The following ROBO2 variants were observed in gnomAD, a reference collection of about 807,000 sequenced individuals.
ROBO2 encodes the protein roundabout homolog 2.
In ROBO2, 53 loss-of-function variants were observed where a neutral mutation model predicts 160.8. The observed-to-expected ratio is 0.33, with a 90% CI of 0.26 to 0.41. The LOEUF is 0.41. Among genes scored for constraint, ROBO2 ranks in the 10% least tolerant of loss-of-function variants. The pLI is 1.00. For synonymous variants in ROBO2, 664 were observed against 611.7 expected (o/e 1.09, Z -1.26); for missense variants, 1,577 against 1,722.4 (o/e 0.92, Z 1.49).
rs1429561198 is a variant in ROBO2 at position 77,584,678 on chromosome 3, G to T, written c.2501-4073G>T. On this transcript the variant is annotated intron_variant, in intron 16 of 25. Transcript: ENST00000461745. ...TACAGTATTAACTTTTCTTTAAATTGTCTTCTCTTTCTTAATTAGTCATTC... is the reference window on the plus strand; with the variant it reads ...TACAGTATTAACTTTTCTTTAAATTTTCTTCTCTTTCTTAATTAGTCATTC... Among the ~76,000 whole-genome samples the T allele has an allele frequency of 2.6e-5, 4 of 151,920 alleles. No homozygotes were observed. In the South Asian group the frequency reaches 6.2e-4, roughly 24 times the overall value.
At chr3:75,922,496 C>T (rs1333430993) in intron 1 of ROBO2, among the ~76,000 whole-genome samples, 1 of 151,966 alleles carries the variant, frequency 6.6e-6, no homozygotes, top group African/African-American at 2.4e-5. Flanking sequence ...ATTCACTTGA[C>T]ATATTTAAAA....
chr3:77,104,078 T>C (rs2072449569), intron 2 of ROBO2, among the ~76,000 whole-genome samples: 1 of 152,140 alleles, frequency 6.6e-6, no homozygotes, highest in Non-Finnish European at 1.5e-5. Context: ...TAACATACCA[T>C]ATCATTTACT....
intron 2 of ROBO2, among the ~76,000 whole-genome samples, chr3:76,857,531 G>C (rs996013104): frequency 6.6e-6 from 1 of 151,790 alleles, no homozygotes; most frequent in African/African-American, 2.4e-5. Context: ...GTGTTTTTTC[G>C]AAGTGGGCAC....
intron 2 of ROBO2, among the ~76,000 whole-genome samples, chr3:76,783,256 A>C (rs546114934): frequency 3.6e-4 from 54 of 151,038 alleles, no homozygotes; most frequent in Admixed American, 2.1e-3. Flanking sequence ...ACTATATTGA[A>C]TACTTTGCCT....
At chr3:76,868,396 C>T (rs372938020) in intron 2 of ROBO2, among the ~76,000 whole-genome samples, 24 of 152,210 alleles carry the variant, frequency 1.6e-4, no homozygotes, top group African/African-American at 5.3e-4. Context: ...CGAGAATTGA[C>T]CACAGATTGT....
intron 2 of ROBO2, among the ~76,000 whole-genome samples, chr3:76,008,232 C>CCAAAA (rs769742670): frequency 2.4e-5 from 2 of 82,280 alleles, no homozygotes; most frequent in Non-Finnish European, 4.7e-5. Flanking sequence ...AAGACTCTGT[C>CCAAAA]AAAAAAAAAA....
At chr3:76,276,814 A>G (rs1038116056) in intron 2 of ROBO2, among the ~76,000 whole-genome samples, 1 of 152,018 alleles carries the variant, frequency 6.6e-6, no homozygotes, top group African/African-American at 2.4e-5. Context: ...TGTGATTTAC[A>G]TTAGTACTGT....
intron 2 of ROBO2, among the ~76,000 whole-genome samples, chr3:77,175,867 A>G (rs549669339): frequency 6.6e-5 from 10 of 152,180 alleles, no homozygotes; most frequent in Admixed American, 5.9e-4. Context: ...ATTAATGGAA[A>G]TTTCAGATAA....
chr3:75,992,361 CAG>C (rs1413399920), intron 2 of ROBO2, among the ~76,000 whole-genome samples: 1 of 152,172 alleles, frequency 6.6e-6, no homozygotes, highest in Non-Finnish European at 1.5e-5. Flanking sequence ...CCATGACTAA[CAG>C]AGGCCAAGCT....
At chr3:76,224,278 C>G (rs1282225992) in intron 2 of ROBO2, among the ~76,000 whole-genome samples, 1 of 152,110 alleles carries the variant, frequency 6.6e-6, no homozygotes, top group African/African-American at 2.4e-5. Context: ...GTAATTCAGT[C>G]TGAAGATCTG....
At chr3:76,280,650 G>A (rs931789422) in intron 2 of ROBO2, among the ~76,000 whole-genome samples, 1 of 151,924 alleles carries the variant, frequency 6.6e-6, no homozygotes, top group Non-Finnish European at 1.5e-5. Context: ...TCTCCTTAAA[G>A]TTCTGTTTTA....
chr3:76,555,426 AGAAGGG>A (rs200864132), intron 2 of ROBO2, among the ~76,000 whole-genome samples: 22,362 of 95,934 alleles, frequency 0.23, 3,680 homozygotes, highest in Admixed American at 0.37. Flanking sequence ...AGAAAGAAGG[AGAAGGG>A]GAAGGGGAAG....
At chr3:76,971,464 T>C (rs1037074860) in intron 2 of ROBO2, among the ~76,000 whole-genome samples, 2 of 152,172 alleles carry the variant, frequency 1.3e-5, no homozygotes, top group East Asian at 1.9e-4. Context: ...GATTAACATA[T>C]GTTAGATTTT....
At chr3:77,361,638 G>C (rs1581342879) in intron 2 of ROBO2, among the ~76,000 whole-genome samples, 1 of 152,104 alleles carries the variant, frequency 6.6e-6, no homozygotes, top group African/African-American at 2.4e-5. Context: ...TGGAAAGGAG[G>C]GTCAAGCTGC....
intron 2 of ROBO2, among the ~76,000 whole-genome samples, chr3:76,842,601 T>G (rs2068391887): frequency 6.6e-6 from 1 of 152,210 alleles, no homozygotes; most frequent in Admixed American, 6.6e-5. Flanking sequence ...TGAGATTAGT[T>G]ATTGCTTTTC....
intron 2 of ROBO2, among the ~76,000 whole-genome samples, chr3:76,938,735 C>T (rs1298938073): frequency 6.6e-6 from 1 of 151,906 alleles, no homozygotes; most frequent in Admixed American, 6.6e-5. Context: ...TTTGGGAGGC[C>T]GAGGCGGGTG....
intron 2 of ROBO2, among the ~76,000 whole-genome samples, chr3:77,403,901 C>T (rs1241248083): frequency 3.3e-5 from 5 of 151,718 alleles, no homozygotes; most frequent in African/African-American, 9.7e-5. Context: ...ACTCTGTTCT[C>T]AAGCCTGAAT....
intron 2 of ROBO2, among the ~76,000 whole-genome samples, chr3:76,895,023 C>G (rs1297080295): frequency 6.6e-6 from 1 of 151,976 alleles, no homozygotes; most frequent in South Asian, 2.1e-4. Context: ...GTAATTAAAA[C>G]CTTAAAATCA....
intron 2 of ROBO2, among the ~76,000 whole-genome samples, chr3:76,052,111 T>G (rs952485339): frequency 6.6e-6 from 1 of 152,084 alleles, no homozygotes; most frequent in Admixed American, 6.5e-5. Flanking sequence ...TTTAAAAACC[T>G]ATGTGTGAAC....
Sources: gnomAD v4.1 joint callset for allele counts (sites outside exome capture counted in the v4.1 genomes callset) on GRCh38, gnomAD v4.1.1 for gene constraint, MANE v1.5 for transcripts, NCBI Gene and HGNC (gene_info 2026-07-23, HGNC 2026-07-21) for gene names.